The following ASIC2 variants were observed in gnomAD, a reference collection of about 807,000 sequenced individuals.
ASIC2 encodes acid-sensing ion channel 2.
Under a neutral mutation model 57.3 loss-of-function variants are expected in ASIC2, and 25 were observed. The ratio of observed to expected loss-of-function variants is 0.44; its 90% CI spans 0.32 to 0.61. The LOEUF (loss-of-function observed/expected upper bound fraction) is 0.61. Among genes scored for constraint, ASIC2 ranks in the 20% least tolerant of loss-of-function variants. The pLI is 0.06. For missense variants in ASIC2, 641 were observed against 738.1 expected (o/e 0.87, Z 1.52); for synonymous variants, 319 against 307.5 (o/e 1.04, Z -0.39).
chr17:33,944,091 T>G (rs79076058), intron 1 of ASIC2, among the ~76,000 whole-genome samples: 1,556 of 152,286 alleles, frequency 0.01, 32 homozygotes, highest in African/African-American at 0.035. Flanking sequence ...TTCAGATCAC[T>G]CAGGTGGTAT....
intron 1 of ASIC2, among the ~76,000 whole-genome samples, chr17:33,736,914 T>C (rs1313633596): frequency 2.0e-5 from 3 of 152,082 alleles, no homozygotes; most frequent in Admixed American, 6.5e-5. Context: ...ATCTAAATAA[T>C]GTGGTCTCTT....
chr17:33,481,029 C>T (rs1384359789), intron 1 of ASIC2, among the ~76,000 whole-genome samples: 5 of 152,188 alleles, frequency 3.3e-5, no homozygotes, highest in Non-Finnish European at 4.4e-5. Flanking sequence ...GTCTTGGACA[C>T]CACTAGTCAT....
intron 1 of ASIC2, among the ~76,000 whole-genome samples, chr17:33,546,359 G>A (rs1399987239): frequency 1.3e-5 from 2 of 151,996 alleles, no homozygotes; most frequent in South Asian, 2.1e-4. Flanking sequence ...TTCGATTGCA[G>A]CATCTTTTGC....
chr17:33,821,935 G>A (rs1912756727), intron 1 of ASIC2, among the ~76,000 whole-genome samples: 1 of 152,182 alleles, frequency 6.6e-6, no homozygotes, highest in Non-Finnish European at 1.5e-5. Flanking sequence ...TGTGGTAACA[G>A]TCTTCTGTTC....
rs180712057 is a variant in ASIC2 at position 34,068,862 on chromosome 17, G to A, written c.555+87116C>T. ...TGGCTGTCTTCCCTAACTCACTCCT[G>A]GACAGTCCAAGTAGGGCCCAGCTTG... is the stretch of plus-strand genomic sequence containing the variant. On this transcript the variant is annotated intron_variant, in intron 1 of 9. Transcript: ENST00000359872. Among the ~76,000 whole-genome samples, 7 of 152,214 alleles carry A rather than the reference G, an allele frequency of 4.6e-5. No individual in the cohort carries two copies. In the East Asian group the frequency reaches 1.4e-3, roughly 29 times the overall value.
At chr17:33,034,079 G>A (rs117460785) in intron 3 of ASIC2, among the ~76,000 whole-genome samples, 3,269 of 152,170 alleles carry the variant, frequency 0.021, 39 homozygotes, top group Middle Eastern at 0.031. Context: ...GGGCCTCCTC[G>A]CTGCTGAGAG....
At chr17:33,124,720 C>T (rs1234740011) in intron 1 of ASIC2, among the ~76,000 whole-genome samples, 2 of 152,098 alleles carry the variant, frequency 1.3e-5, no homozygotes, top group African/African-American at 4.8e-5. Context: ...GCGATGGTTT[C>T]GGGATGATTC....
intron 1 of ASIC2, chr17:33,931,088 G>A (rs1915921585): frequency 6.6e-6 from 1 of 152,062 alleles, no homozygotes; most frequent in African/African-American, 2.4e-5. Flanking sequence ...CTCTTCCTAT[G>A]TAGCAGGATG....
intron 1 of ASIC2, among the ~76,000 whole-genome samples, chr17:33,843,322 G>A (rs1402919729): frequency 1.3e-5 from 2 of 152,124 alleles, no homozygotes; most frequent in East Asian, 3.8e-4. Context: ...ATCACCGTTT[G>A]AAAGGTAGGT....
At position 34,034,825 on chromosome 17, in the gene ASIC2, A is replaced by G. The variant is rs527320147; in HGVS notation, c.555+121153T>C. On this transcript the variant is annotated intron_variant, in intron 1 of 9. Coordinates refer to the ASIC2 transcript ENST00000359872. Reference sequence around the variant, plus strand: ...TATAAGGGATGTGAAGGACCTCTTCAAGGAGAACTACAAACCACTGCTCAA... The same window carrying G: ...TATAAGGGATGTGAAGGACCTCTTCGAGGAGAACTACAAACCACTGCTCAA... 1.6e-4 allele frequency among the ~76,000 whole-genome samples: 25 copies of G among 152,340 alleles called. No homozygotes were observed. In the East Asian group the frequency reaches 4.4e-3, roughly 27 times the overall value.
chr17:33,032,657 C>T (rs944114417), intron 3 of ASIC2, among the ~76,000 whole-genome samples: 7 of 152,058 alleles, frequency 4.6e-5, no homozygotes, highest in Non-Finnish European at 1.0e-4. Flanking sequence ...CCATGTTGGC[C>T]AGGCTTGTCT....
chr17:33,028,799 A>C (rs887808931), intron 3 of ASIC2, among the ~76,000 whole-genome samples: 1 of 152,138 alleles, frequency 6.6e-6, no homozygotes, highest in Admixed American at 6.6e-5. Context: ...GAAAGACCCA[A>C]CTAAATTCCA....
intron 1 of ASIC2, among the ~76,000 whole-genome samples, chr17:34,049,434 A>G (rs565696601): frequency 1.3e-5 from 2 of 152,276 alleles, no homozygotes; most frequent in Admixed American, 1.3e-4. Context: ...TTCCAGGAAC[A>G]GGCTGCATTC....
At chr17:33,278,547 T>A (rs1038134429) in intron 1 of ASIC2, among the ~76,000 whole-genome samples, 1 of 151,768 alleles carries the variant, frequency 6.6e-6, no homozygotes, top group Non-Finnish European at 1.5e-5. Flanking sequence ...ATAGTTCTGG[T>A]TTGGAGTGAG....
chr17:33,956,944 G>T (rs1904753149), intron 1 of ASIC2, among the ~76,000 whole-genome samples: 1 of 152,244 alleles, frequency 6.6e-6, no homozygotes, highest in Non-Finnish European at 1.5e-5. Flanking sequence ...AGAGGCAGGG[G>T]ATAGCTGCTC....
intron 1 of ASIC2, among the ~76,000 whole-genome samples, chr17:33,551,408 C>T (rs150491986): frequency 8.5e-4 from 129 of 152,222 alleles, no homozygotes; most frequent in African/African-American, 3.0e-3. Context: ...CAAGGCAGCA[C>T]CTGTGGGGCT....
chr17:33,677,620 G>A (rs1907866077), intron 1 of ASIC2, among the ~76,000 whole-genome samples: 1 of 152,166 alleles, frequency 6.6e-6, no homozygotes, highest in Admixed American at 6.5e-5. Flanking sequence ...AACTCTCACG[G>A]ATGGCTTTGA....
intron 1 of ASIC2, among the ~76,000 whole-genome samples, chr17:33,789,553 C>A (rs777675791): frequency 1.8e-4 from 27 of 152,008 alleles, no homozygotes; most frequent in Non-Finnish European, 2.9e-4. Context: ...TGGGCTCCCC[C>A]TCTGAAGCCC....
chr17:33,910,697 A>T (rs1447471966), intron 1 of ASIC2, among the ~76,000 whole-genome samples: 6 of 152,176 alleles, frequency 3.9e-5, no homozygotes, highest in Admixed American at 2.6e-4. Context: ...CAGAGCAGGC[A>T]CTCAATAAAC....
Sources: allele counts gnomAD v4.1 joint callset (sites outside exome capture counted in the v4.1 genomes callset), GRCh38; gene constraint gnomAD v4.1.1; transcripts MANE v1.5; gene names NCBI Gene and HGNC (gene_info 2026-07-23, HGNC 2026-07-21).